The following POFUT1 variants were observed in gnomAD, a reference collection of about 807,000 sequenced individuals.
The protein encoded by POFUT1 is GDP-fucose protein O-fucosyltransferase 1.
POFUT1 carries 16 observed loss-of-function variants against 42.4 expected under a neutral mutation model. That is an observed-to-expected ratio of 0.38 (90% CI 0.26 to 0.57). The LOEUF (loss-of-function observed/expected upper bound fraction) is 0.57. POFUT1 is among the 20% of genes least tolerant of loss of function. The probability of loss-of-function intolerance (pLI) is 0.71; values close to 1 mark genes in which losing one functional copy is unlikely to be tolerated. For synonymous variants in POFUT1, 206 were observed against 205.4 expected, an observed-to-expected ratio of 1.00 and a Z score of -0.03; for missense variants, 470 against 504.6, an observed-to-expected ratio of 0.93 and a Z score of 0.66.
intron 4 of POFUT1, 27 bp downstream of exon 4, chr20:32,216,748 G>A (rs767641202): frequency 1.3e-6 from 2 of 1,516,094 alleles, no homozygotes; most frequent in South Asian, 1.1e-5. Context: ...GCGTTTCTGG[G>A]TTTAGGGGAG....
chr20:32,212,927 C>T (rs1010564671), intron 2 of POFUT1, among the ~76,000 whole-genome samples: 6 of 150,962 alleles, frequency 4.0e-5, no homozygotes, highest in Non-Finnish European at 7.4e-5. Context: ...TCTTGTCACC[C>T]GGGCTGGAGT....
Position 32,208,080 on chromosome 20 carries a change from GC to G in POFUT1, c.124+18del. On this transcript the variant is annotated intron_variant, in intron 1 of 6. Transcript: ENST00000375749. ...CCCCTGCATGGGTAAGGCCTCCCAA[GC>G]CCTCTGCTCAGATGGAGAAACTGAG... 1 of 1,541,910 alleles carries G rather than the reference GC, an allele frequency of 6.5e-7. No individual in the cohort carries two copies.
chr20:32,234,571 T>C lies in POFUT1; in HGVS notation c.1077T>C (p.Thr359=). The change falls in exon 7 of 7, where the codon ACT becomes ACC. Residue 359 remains threonine, a synonymous_variant. Coordinates refer to ENST00000375749, the MANE Select transcript of POFUT1 (RefSeq NM_015352.2). ...HFIGNCVSSF[T]AFVKRERDLQ... is the part of the protein sequence containing the mutation. ...TTGGCAACTGTGTCTCCTCCTTCAC[T>C]GCCTTTGTGAAGCGGGAGCGGGACC... is the stretch of plus-strand genomic sequence containing the variant. 1.2e-6 allele frequency: 2 copies of C among 1,614,160 alleles called. No homozygotes were observed. Among genetic ancestry groups the C allele is most frequent in the Non-Finnish European group, 1.7e-6 (2 of 1,179,962 alleles).
intron 5 of POFUT1, among the ~76,000 whole-genome samples, chr20:32,229,202 A>G (rs989941135): frequency 1.3e-5 from 2 of 152,202 alleles, no homozygotes; most frequent in East Asian, 3.8e-4. Flanking sequence ...AAGAGATATA[A>G]GATTCTATTT....
At chr20:32,222,852 T>A (rs192301550) in intron 4 of POFUT1, 9 of 985,412 alleles carry the variant, frequency 9.1e-6, no homozygotes, top group African/African-American at 1.7e-5. Flanking sequence ...GTCCAGGAAT[T>A]TGAGCGCATG....
In POFUT1 at chr20:32,216,687, T is replaced by C; in HGVS notation, c.508T>C (p.Phe170Leu). 2 of 1,613,322 alleles carry C rather than the reference T, an allele frequency of 1.2e-6. No homozygotes were observed. The highest frequency in any genetic ancestry group is 1.7e-6 in the Non-Finnish European group (2 of 1,179,246). ...NKSELFTGIS[F>L]SASYREQWSQ... ...GTCGGAGCTTTTTACAGGCATTTCC[T>C]TCAGTGCTTCCTACAGAGAACAATG... Residue 170 changes from phenylalanine to leucine, a missense_variant, in exon 4 of 7, where the codon TTC becomes CTC. Physicochemically the swap from Phe to Leu is conservative, Grantham distance 22. Coordinates refer to ENST00000375749, the MANE Select transcript of POFUT1 (RefSeq NM_015352.2).
At chr20:32,232,301 C>G (rs1280405226) in intron 6 of POFUT1, among the ~76,000 whole-genome samples, 1 of 146,442 alleles carries the variant, frequency 6.8e-6, no homozygotes, top group African/African-American at 2.6e-5. Context: ...ACCCCCATCT[C>G]TATTTAAAAA....
chr20:32,216,542 C>T, intron 3 of POFUT1, 67 bp from the exon 4 acceptor site: 1 of 951,610 alleles, frequency 1.1e-6, no homozygotes. Context: ...ACCTACACTT[C>T]CCTGGCCCCA....
chr20:32,220,691 C>T (rs904538639), intron 4 of POFUT1, among the ~76,000 whole-genome samples: 3 of 151,422 alleles, frequency 2.0e-5, no homozygotes, highest in East Asian at 1.9e-4. Context: ...TGCAGTGAGC[C>T]GAGATTGTGC....
In POFUT1 at chr20:32,237,898, G is replaced by C. The variant is rs1293586300; in HGVS notation, c.*3237G>C. ...AGGAGGTGGGAAATGATTAGATTCTGAACATATGTAATTATTTTTCAGTCT... is the reference window on the plus strand; with the variant it reads ...AGGAGGTGGGAAATGATTAGATTCTCAACATATGTAATTATTTTTCAGTCT... On this transcript the variant is annotated 3_prime_UTR_variant, in exon 7 of 7. Transcript: ENST00000375749. 2.0e-6 allele frequency: 1 copy of C among 511,550 alleles called. No individual in the cohort carries two copies. The highest frequency in any genetic ancestry group is 4.0e-6 in the Non-Finnish European group (1 of 249,660). The allele number at this position is 511,550 out of a possible 1,614,324, so 31.7% of individuals were successfully genotyped here. A position where few individuals can be genotyped will look rare whatever the true frequency, so the allele number is the denominator to read the frequency against.
At chr20:32,212,448 T>C (rs1303919700) in intron 2 of POFUT1, among the ~76,000 whole-genome samples, 1 of 152,010 alleles carries the variant, frequency 6.6e-6, no homozygotes, top group African/African-American at 2.4e-5. Flanking sequence ...TGATTTTTAG[T>C]AGGGACAAGG....
chr20:32,219,532 C>T (rs1355653433), intron 4 of POFUT1, among the ~76,000 whole-genome samples: 3 of 134,560 alleles, frequency 2.2e-5, no homozygotes, highest in Non-Finnish European at 3.1e-5. Context: ...TTTTTTGAGA[C>T]GGAATCTCAC....
Position 32,216,645 on chromosome 20 carries a change from CAT to C in POFUT1, c.467_468del (p.His156ArgfsTer88). 6.2e-7 allele frequency: 1 copy of C among 1,613,778 alleles called. No individual in the cohort carries two copies. The highest frequency in any genetic ancestry group is 8.5e-7 in the Non-Finnish European group (1 of 1,179,642). ...NPFGPFWDQF[H>X]VSFNKSELFT... ...CTTTGGCCCATTCTGGGATCAGTTT[CAT>C]GTGAGTTTCAACAAGTCGGAGCTTT... On this transcript the variant is annotated frameshift_variant, in exon 4 of 7. Coordinates refer to ENST00000375749, the MANE Select transcript of POFUT1 (RefSeq NM_015352.2). LOFTEE classifies it high-confidence loss of function.
intron 4 of POFUT1, 167 bp downstream of exon 4, chr20:32,216,888 C>G (rs1013469422): frequency 1.2e-5 from 19 of 1,531,006 alleles, no homozygotes; most frequent in Non-Finnish European, 1.6e-5. Flanking sequence ...GTTCCCATGT[C>G]CACGCCTGAC....
intron 5 of POFUT1, among the ~76,000 whole-genome samples, chr20:32,230,113 C>T (rs1333985984): frequency 3.3e-5 from 5 of 151,064 alleles, no homozygotes; most frequent in African/African-American, 4.9e-5. Flanking sequence ...TTAGGCTGGG[C>T]GTGGTGGCTC....
intron 4 of POFUT1, chr20:32,217,221 C>T (rs1015903848): frequency 4.6e-5 from 65 of 1,417,818 alleles, no homozygotes; most frequent in East Asian, 3.0e-4. Context: ...GCGCCTGTCA[C>T]GTGTGAGACA....
In POFUT1 at chr20:32,236,147, T is replaced by G. The variant is rs2047469377; in HGVS notation, c.*1486T>G. On this transcript the variant is annotated 3_prime_UTR_variant, in exon 7 of 7. Transcript: ENST00000375749. ...AAGTCCTGGGTGGACTGAGAGATGGTTTGCCTGTCCAGACTTGCTCTCAAG... is the reference window on the plus strand; with the variant it reads ...AAGTCCTGGGTGGACTGAGAGATGGGTTGCCTGTCCAGACTTGCTCTCAAG... The G allele has an allele frequency of 6.6e-6, 1 of 152,254 alleles. No individual in the cohort carries two copies. Among genetic ancestry groups the G allele is most frequent in the East Asian group, 1.9e-4 (1 of 5,194 alleles). The allele number at this position is 152,254 out of a possible 1,614,324, so 9.4% of individuals were successfully genotyped here. A position where few individuals can be genotyped will look rare whatever the true frequency, so the allele number is the denominator to read the frequency against.
chr20:32,217,056 G>T (rs1263500614), intron 4 of POFUT1: 1 of 1,613,928 alleles, frequency 6.2e-7, no homozygotes, highest in Non-Finnish European at 8.5e-7. Context: ...GGTGAAACTG[G>T]AAGCAGCTTC....
chr20:32,224,243 T>G (rs2047403790), intron 4 of POFUT1, among the ~76,000 whole-genome samples: 1 of 151,882 alleles, frequency 6.6e-6, no homozygotes, highest in African/African-American at 2.4e-5. Context: ...AATACAAAAA[T>G]TAGCCGGGCA....
Sources: gnomAD v4.1 joint callset for allele counts (sites outside exome capture counted in the v4.1 genomes callset) on GRCh38, gnomAD v4.1.1 for gene constraint, MANE v1.5 for transcripts, NCBI Gene and HGNC (gene_info 2026-07-23, HGNC 2026-07-21) for gene names.